FMN1: variants seen among roughly 807,000 people sequenced by gnomAD.
FMN1 encodes the protein formin-1.
A neutral mutation model predicts 132.4 loss-of-function variants in FMN1; 110 were observed. That is an observed-to-expected ratio of 0.83 (90% confidence interval 0.71 to 0.97). The LOEUF (loss-of-function observed/expected upper bound fraction) is 0.97. Ranked by LOEUF, FMN1 falls within the 50% of genes least tolerant of loss-of-function variation. FMN1 has a pLI of 0.00. For synonymous variants in FMN1, 722 were observed against 651.7 expected, an observed-to-expected ratio of 1.11 and a Z score of -1.64; for missense variants, 1,792 against 1,705.3, an observed-to-expected ratio of 1.05 and a Z score of -0.90.
At chr15:33,031,367 G>A (rs2035929484) in intron 6 of FMN1, among the ~76,000 whole-genome samples, 1 of 152,166 alleles carries the variant, frequency 6.6e-6, no homozygotes, top group Non-Finnish European at 1.5e-5. Flanking sequence ...AAACTTCACA[G>A]AGGACTTGCA....
intron 12 of FMN1, among the ~76,000 whole-genome samples, chr15:32,906,837 T>G (rs929035254): frequency 1.1e-4 from 17 of 152,170 alleles, no homozygotes; most frequent in Non-Finnish European, 2.5e-4. Flanking sequence ...TCACTTGACT[T>G]GATTCACAAT....
intron 6 of FMN1, among the ~76,000 whole-genome samples, chr15:33,060,075 C>G (rs1348133345): frequency 6.6e-6 from 1 of 152,232 alleles, no homozygotes; most frequent in Non-Finnish European, 1.5e-5. Context: ...CAAGACTTTT[C>G]TGGTCTTTAG....
rs1223358355 is a variant in FMN1 at position 32,841,242 on chromosome 15, G to T, written c.3928+15773C>A. ...ATTTAATATGTTTGAGAAATATAGA[G>T]AGACAAAACACACAGTGTTTTAATC... On this transcript the variant is annotated intron_variant, in intron 17 of 20. Transcript: ENST00000616417. Among the ~76,000 whole-genome samples, 3 of 152,228 alleles carry T rather than the reference G, an allele frequency of 2.0e-5. No individual in the cohort carries two copies. In the East Asian group the frequency reaches 5.8e-4, roughly 29 times the overall value.
chr15:32,978,759 T>C (rs1463041374), intron 7 of FMN1, among the ~76,000 whole-genome samples: 2 of 152,204 alleles, frequency 1.3e-5, no homozygotes, highest in Non-Finnish European at 2.9e-5. Context: ...CACTTGTCTA[T>C]AAACGGATAC....
intron 10 of FMN1, among the ~76,000 whole-genome samples, chr15:32,915,235 A>G (rs28456225): frequency 0.025 from 3,800 of 152,290 alleles, 68 homozygotes; most frequent in Non-Finnish European, 0.034. Flanking sequence ...TGTCTTAGTC[A>G]CCAAATATAG....
At chr15:32,866,332 T>C (rs550277007) in intron 16 of FMN1, among the ~76,000 whole-genome samples, 1 of 152,318 alleles carries the variant, frequency 6.6e-6, no homozygotes, top group South Asian at 2.1e-4. Flanking sequence ...GGAAAAGTTA[T>C]TTAATATCTG....
At chr15:33,113,991 G>A (rs575741121) in intron 4 of FMN1, among the ~76,000 whole-genome samples, 1 of 152,178 alleles carries the variant, frequency 6.6e-6, no homozygotes, top group Non-Finnish European at 1.5e-5. Flanking sequence ...TCTAGGCTCA[G>A]TTATCTAAGG....
At chr15:33,124,790 C>CT (rs1389837181) in intron 4 of FMN1, among the ~76,000 whole-genome samples, 4 of 151,256 alleles carry the variant, frequency 2.6e-5, no homozygotes, top group Non-Finnish European at 5.9e-5. Flanking sequence ...ATTTTGTTTT[C>CT]TTTTTTGCAT....
At chr15:32,870,463 T>C (rs1054463878) in intron 16 of FMN1, among the ~76,000 whole-genome samples, 2 of 152,136 alleles carry the variant, frequency 1.3e-5, no homozygotes, top group Non-Finnish European at 2.9e-5. Flanking sequence ...GTATTCTCCA[T>C]GAAAAAATTT....
At chr15:33,139,499 G>A (rs1963918456) in intron 4 of FMN1, among the ~76,000 whole-genome samples, 1 of 152,206 alleles carries the variant, frequency 6.6e-6, no homozygotes, top group Non-Finnish European at 1.5e-5. Flanking sequence ...GCTGAGGCAG[G>A]AGAATCACTT....
chr15:33,184,711 C>G (rs1566971058), intron 2 of FMN1, among the ~76,000 whole-genome samples: 1 of 152,070 alleles, frequency 6.6e-6, no homozygotes, highest in Non-Finnish European at 1.5e-5. Context: ...GCCATGTTGG[C>G]CAGGCTGGTC....
In FMN1 at chr15:32,798,893, T is replaced by G. The variant is rs1185669026; in HGVS notation, c.4041A>C (p.Thr1347=). Residue 1347 remains threonine (T), a synonymous_variant, in exon 19 of 21, where the codon ACA becomes ACC. Coordinates refer to ENST00000616417, the MANE Select transcript of FMN1 (RefSeq NM_001277313.2). The part of the protein sequence containing the change: ...MKPKSGEKEI[T]PSYVFMVWYE... ...ACCACACCATAAACACGTAGCTGGG[T>G]GTGATCTCCTTCTCACCAGACTTTG... is the stretch of plus-strand genomic sequence containing the variant. The G allele has an allele frequency of 2.5e-6, 4 of 1,613,384 alleles. No homozygotes were observed. In the South Asian group the frequency reaches 3.3e-5, roughly 13 times the overall value.
In FMN1 at chr15:32,768,172, G is replaced by C. The variant is rs1484845406; in HGVS notation, c.*6138C>G. On this transcript the variant is annotated 3_prime_UTR_variant, in exon 21 of 21. Transcript: ENST00000616417. ...AATCCATGCTAAGAGTTTCCAGAGT[G>C]TTCATCCCTCAACACTTATCATCCA... 6.6e-6 allele frequency: 1 copy of C among 152,132 alleles called. No individual in the cohort carries two copies. The highest frequency in any genetic ancestry group is 1.9e-4 in the East Asian group (1 of 5,194). 9.4% of individuals were successfully genotyped at this position (152,132 alleles called of 1,614,324 possible).
intron 16 of FMN1, among the ~76,000 whole-genome samples, chr15:32,876,875 T>C (rs1450703994): frequency 6.6e-6 from 1 of 152,246 alleles, no homozygotes; most frequent in Non-Finnish European, 1.5e-5. Context: ...ATACAACATT[T>C]AATTTGTTGT....
intron 6 of FMN1, among the ~76,000 whole-genome samples, chr15:33,020,148 A>T (rs1288524565): frequency 6.6e-6 from 1 of 152,244 alleles, no homozygotes; most frequent in African/African-American, 2.4e-5. Flanking sequence ...TTGGTCAGTC[A>T]GAAGGTCTGG....
At chr15:32,859,627 C>T (rs1273417616) in intron 16 of FMN1, among the ~76,000 whole-genome samples, 2 of 152,168 alleles carry the variant, frequency 1.3e-5, no homozygotes, top group Non-Finnish European at 2.9e-5. Flanking sequence ...TATGTTTTAC[C>T]TTTAATATTT....
chr15:32,774,392 C>A (rs558202904), intron 20 of FMN1, 38 bp from the exon 21 acceptor site: 2 of 1,516,794 alleles, frequency 1.3e-6, no homozygotes, highest in Non-Finnish European at 1.8e-6. Flanking sequence ...CATTTTCTTT[C>A]ATCTTTCTCA....
At chr15:32,785,576 G>C (rs753723543) in intron 19 of FMN1, among the ~76,000 whole-genome samples, 1 of 151,918 alleles carries the variant, frequency 6.6e-6, no homozygotes, top group Non-Finnish European at 1.5e-5. Flanking sequence ...AATATGATTG[G>C]TTCATTTCAG....
At chr15:32,850,322 C>T (rs2058980313) in intron 17 of FMN1, among the ~76,000 whole-genome samples, 1 of 152,154 alleles carries the variant, frequency 6.6e-6, no homozygotes, top group Non-Finnish European at 1.5e-5. Flanking sequence ...TAATAACCTG[C>T]TCTTATTTTG....
Sources: allele counts gnomAD v4.1 joint callset (sites outside exome capture counted in the v4.1 genomes callset), GRCh38; gene constraint gnomAD v4.1.1; transcripts MANE v1.5; gene names NCBI Gene and HGNC (gene_info 2026-07-23, HGNC 2026-07-21).